CTNNA3: variants seen among roughly 807,000 people sequenced by gnomAD.
CTNNA3 encodes the protein catenin alpha-3.
In CTNNA3, 76 loss-of-function variants were observed where a neutral mutation model predicts 95.7. That is an observed-to-expected ratio of 0.79 (90% CI 0.66 to 0.96). CTNNA3 has a LOEUF of 0.96. Ranked by LOEUF, CTNNA3 falls within the 40% of genes least tolerant of loss-of-function variation. The pLI is 0.00. For missense variants in CTNNA3, 1,191 were observed against 1,089.8 expected (o/e 1.09, Z -1.31); for synonymous variants, 431 against 374.4 (o/e 1.15, Z -1.74).
intron 11 of CTNNA3, among the ~76,000 whole-genome samples, chr10:66,380,619 ATCTATC>A (rs869214356): frequency 0.018 from 2,159 of 121,308 alleles, 45 homozygotes; most frequent in African/African-American, 0.069. Context: ...CTATCTATCT[ATCTATC>A]TATATATATA....
At chr10:67,069,057 T>A (rs1925560) in intron 7 of CTNNA3, among the ~76,000 whole-genome samples, 15 of 62,258 alleles carry the variant, frequency 2.4e-4, no homozygotes, top group Middle Eastern at 0.037. Context: ...GGAAAAAAAA[T>A]ATATATATGT....
At chr10:66,803,400 C>T (rs964206653) in intron 7 of CTNNA3, among the ~76,000 whole-genome samples, 6 of 152,034 alleles carry the variant, frequency 3.9e-5, no homozygotes, top group African/African-American at 1.4e-4. Flanking sequence ...AGAGACCTCA[C>T]TTCCTTTCCA....
chr10:66,178,399 GTATATATA>G (rs71035113), intron 13 of CTNNA3, among the ~76,000 whole-genome samples: 1,821 of 90,936 alleles, frequency 0.02, 27 homozygotes, highest in South Asian at 0.041. Flanking sequence ...CCTTGAAAGT[GTATATATA>G]TATATATATA....
intron 9 of CTNNA3, among the ~76,000 whole-genome samples, chr10:66,695,605 G>T (rs952828282): frequency 6.6e-6 from 1 of 152,088 alleles, no homozygotes; most frequent in African/African-American, 2.4e-5. Context: ...GTTGAAAATT[G>T]TTCTATATTC....
chr10:67,753,518 G>A (rs1293670002), intron 1 of CTNNA3, among the ~76,000 whole-genome samples: 1 of 152,148 alleles, frequency 6.6e-6, no homozygotes, highest in Non-Finnish European at 1.5e-5. Context: ...TATCATCACA[G>A]TGAACAGACA....
intron 3 of CTNNA3, among the ~76,000 whole-genome samples, chr10:67,585,029 C>T (rs897855885): frequency 5.9e-5 from 9 of 152,194 alleles, no homozygotes; most frequent in African/African-American, 1.7e-4. Context: ...TTAGGCGATG[C>T]CCCGCCCTGC....
intron 9 of CTNNA3, among the ~76,000 whole-genome samples, chr10:66,724,912 C>T (rs1848734671): frequency 6.6e-6 from 1 of 152,094 alleles, no homozygotes; most frequent in Admixed American, 6.6e-5. Context: ...AATATACAGT[C>T]ATTACTCTGT....
At chr10:67,124,361 TG>T (rs1859610484) in intron 7 of CTNNA3, among the ~76,000 whole-genome samples, 1 of 151,468 alleles carries the variant, frequency 6.6e-6, no homozygotes, top group Non-Finnish European at 1.5e-5. Context: ...TGTGTGTGTG[TG>T]TGTGTGTGTG....
At chr10:66,943,390 T>G (rs1448965578) in intron 7 of CTNNA3, among the ~76,000 whole-genome samples, 1 of 152,192 alleles carries the variant, frequency 6.6e-6, no homozygotes, top group Non-Finnish European at 1.5e-5. Flanking sequence ...AATTAGAAAC[T>G]GACTATACCA....
chr10:67,489,775 A>C (rs1313313317), intron 5 of CTNNA3, among the ~76,000 whole-genome samples: 2 of 145,604 alleles, frequency 1.4e-5, no homozygotes, highest in African/African-American at 2.6e-5. Flanking sequence ...AAGTATATTT[A>C]TAATACATGA....
intron 3 of CTNNA3, among the ~76,000 whole-genome samples, chr10:67,576,229 A>G (rs1842140130): frequency 2.0e-5 from 3 of 152,166 alleles, no homozygotes; most frequent in African/African-American, 7.2e-5. Flanking sequence ...TTTCCTGGGC[A>G]GGTTTCTGTA....
At chr10:66,014,022 TAAC>T (rs2079050170) in intron 15 of CTNNA3, among the ~76,000 whole-genome samples, 1 of 152,168 alleles carries the variant, frequency 6.6e-6, no homozygotes, top group Non-Finnish European at 1.5e-5. Context: ...GTTTCAGTAA[TAAC>T]AACTTGTGAA....
At chr10:67,557,665 T>A (rs10997713) in intron 3 of CTNNA3, among the ~76,000 whole-genome samples, 30,119 of 152,136 alleles carry the variant, frequency 0.2, 4,962 homozygotes, top group African/African-American at 0.46. Context: ...AATAACAGAA[T>A]CTATTCTAAC....
intron 12 of CTNNA3, among the ~76,000 whole-genome samples, chr10:66,323,775 CT>C (rs1029265305): frequency 6.6e-6 from 1 of 151,986 alleles, no homozygotes; most frequent in Admixed American, 6.6e-5. Context: ...AAAAAGTTGC[CT>C]TTTGGCCTGC....
At chr10:66,614,056 T>C (rs1176464401) in intron 10 of CTNNA3, among the ~76,000 whole-genome samples, 1 of 152,102 alleles carries the variant, frequency 6.6e-6, no homozygotes, top group Non-Finnish European at 1.5e-5. Flanking sequence ...TTTAAAGAGA[T>C]AGTCTAATGC....
At position 67,222,645 on chromosome 10, in the gene CTNNA3, G is replaced by T. The variant is rs10997579; in HGVS notation, c.580-2775C>A. Among the ~76,000 whole-genome samples, 145 of 152,234 alleles carry T rather than the reference G, an allele frequency of 9.5e-4. 3 individuals carry two copies. The East Asian group carries it at 0.025, about 26-fold the overall frequency. The stretch of plus-strand genomic sequence containing the variant: ...CTACAGTCATCAGTGTAACTTAGAG[G>T]ATAAATAGTTTAATGTTTAGAAAGG... On this transcript the variant is annotated intron_variant, in intron 5 of 17. Transcript: ENST00000433211.
At chr10:67,341,055 T>A (rs879218689) in intron 5 of CTNNA3, among the ~76,000 whole-genome samples, 1 of 152,218 alleles carries the variant, frequency 6.6e-6, no homozygotes. Flanking sequence ...TTTCAATTTT[T>A]AATTTTTGTG....
chr10:67,700,296 G>A (rs954109930), upstream of CTNNA3, among the ~76,000 whole-genome samples: 1 of 152,222 alleles, frequency 6.6e-6, no homozygotes, highest in Non-Finnish European at 1.5e-5. Flanking sequence ...CGCAGCTGCA[G>A]ATCTGAGAAT....
At chr10:66,141,313 T>C (rs891305929) in intron 13 of CTNNA3, among the ~76,000 whole-genome samples, 8 of 151,860 alleles carry the variant, frequency 5.3e-5, no homozygotes, top group African/African-American at 1.9e-4. Flanking sequence ...AGAAAATGTT[T>C]AATTGCAGTA....
Sources: allele counts gnomAD v4.1 joint callset (sites outside exome capture counted in the v4.1 genomes callset), GRCh38; gene constraint gnomAD v4.1.1; transcripts MANE v1.5; gene names NCBI Gene and HGNC (gene_info 2026-07-23, HGNC 2026-07-21).